Variants in ANKRD35 observed in about 807,000 individuals in gnomAD.
ANKRD35 encodes ankyrin repeat domain-containing protein 35.
In ANKRD35, 102 loss-of-function variants were observed where a neutral mutation model predicts 109.9. The ratio of observed to expected loss-of-function variants is 0.93; its 90% CI spans 0.79 to 1.09. The LOEUF (loss-of-function observed/expected upper bound fraction) is 1.09. Ranked by LOEUF, ANKRD35 falls within the 50% of genes least tolerant of loss-of-function variation. The pLI, the probability that ANKRD35 is intolerant of heterozygous loss-of-function variation, is 0.00. For missense variants in ANKRD35, 1,240 were observed against 1,230.1 expected, an observed-to-expected ratio of 1.01 and a Z score of -0.12; for synonymous variants, 515 against 512.4, an observed-to-expected ratio of 1.01 and a Z score of -0.07.
Position 145,884,037 on chromosome 1 carries a change from C to T in ANKRD35, c.39+1683G>A, listed in dbSNP as rs148846493. Among the ~76,000 whole-genome samples the T allele has an allele frequency of 1.1e-4, 17 of 152,260 alleles. No homozygotes were observed. The East Asian group carries it at 3.3e-3, about 29-fold the overall frequency. On this transcript the variant is annotated intron_variant, in intron 1 of 13. Coordinates refer to ENST00000355594, the MANE Select transcript of ANKRD35 (RefSeq NM_144698.5). ...AGGACAGAGGGATGGTTCCAAATTCCAAAAGCCAGCCCACTCATTCCAGCA... is the reference window on the plus strand; with the variant it reads ...AGGACAGAGGGATGGTTCCAAATTCTAAAAGCCAGCCCACTCATTCCAGCA...
In ANKRD35 at chr1:145,873,751, G is replaced by C. The variant is rs139709279; in HGVS notation, c.1018C>G (p.Gln340Glu). 1.2e-6 allele frequency: 2 copies of C among 1,612,928 alleles called. No homozygotes were observed. The highest frequency in any genetic ancestry group is 1.7e-6 in the Non-Finnish European group (2 of 1,179,508). ...AGGAGGACCCCTAGCTCCTGCGCCT[G>C]CTCTCGAATCTGGTTCTCAAGGTCC... is the stretch of plus-strand genomic sequence containing the variant. The part of the protein sequence containing the change: ...YLDLENQIRE[Q>E]AQELGVLLSW... The change falls in exon 10 of 14, where the codon CAG (glutamine) becomes GAG (glutamate). Residue 340 changes from glutamine to glutamate, a missense_variant. Coordinates refer to ENST00000355594, the MANE Select transcript of ANKRD35 (RefSeq NM_144698.5).
chr1:145,880,971 G>C (rs1206109494), intron 1 of ANKRD35, among the ~76,000 whole-genome samples: 1 of 152,158 alleles, frequency 6.6e-6, no homozygotes, highest in East Asian at 1.9e-4. Flanking sequence ...TCACGAAAAA[G>C]AGTGGCAAAA....
rs781928624 is a variant in ANKRD35 at position 145,873,469 on chromosome 1, C to G, written c.1300G>C (p.Glu434Gln). 1.9e-6 allele frequency: 3 copies of G among 1,614,006 alleles called. No individual in the cohort carries two copies. The highest frequency in any genetic ancestry group is 2.5e-6 in the Non-Finnish European group (3 of 1,179,954). Residue 434 changes from glutamate to glutamine, a missense_variant, in exon 10 of 14, where the codon GAG becomes CAG. Coordinates refer to ENST00000355594, the MANE Select transcript of ANKRD35 (RefSeq NM_144698.5). ...TGTCCTGTGGCTTTCCTGATGGTCTCAGACGCTGGGCTCTGGGGTGGCCCC... is the reference window on the plus strand; with the variant it reads ...TGTCCTGTGGCTTTCCTGATGGTCTGAGACGCTGGGCTCTGGGGTGGCCCC... ...EQGPPQSPAS[E>Q]TIRKATGQQL...
At chr1:145,878,731 G>A (rs1482401772) in intron 2 of ANKRD35, among the ~76,000 whole-genome samples, 1 of 152,202 alleles carries the variant, frequency 6.6e-6, no homozygotes, top group Non-Finnish European at 1.5e-5. Flanking sequence ...GGGGTGTCTA[G>A]GGAACACATA....
At chr1:145,875,118 A>C in intron 7 of ANKRD35, 112 bp from the exon 8 acceptor site, 1 of 1,065,264 alleles carries the variant, frequency 9.4e-7, no homozygotes, top group Non-Finnish European at 1.3e-6. Flanking sequence ...CAGGAGAACA[A>C]CAGACCAACA....
At position 145,873,804 on chromosome 1, in the gene ANKRD35, T is replaced by A. The variant is rs1553739492; in HGVS notation, c.965A>T (p.Glu322Val). ...ATAGGCTGCAGCTTGAGTCTTACAC[T>A]CTTCTGTCTTTTGCACCAGCTCCTG... ...LEQELVQKTEECKTQAAAYLD... is the reference protein window; with the variant it reads ...LEQELVQKTEVCKTQAAAYLD... Residue 322 changes from glutamate to valine, a missense_variant, in exon 10 of 14, where the codon GAG becomes GTG. Glu to Val is a moderately radical substitution (Grantham distance 121). Coordinates refer to ENST00000355594, the MANE Select transcript of ANKRD35 (RefSeq NM_144698.5). The A allele has an allele frequency of 1.9e-6, 3 of 1,608,962 alleles. No individual in the cohort carries two copies. The South Asian group carries it at 3.3e-5, about 18-fold the overall frequency.
intron 10 of ANKRD35, among the ~76,000 whole-genome samples, chr1:145,869,171 GTTTTTTTGTT>G (rs1365067426): frequency 1.8e-5 from 2 of 113,934 alleles, no homozygotes; most frequent in African/African-American, 3.5e-5. Context: ...AAGGAAGTTT[GTTTTTTTGTT>G]TTTTTTTGTT....
chr1:145,869,754 C>A (rs1489999693), intron 10 of ANKRD35, among the ~76,000 whole-genome samples: 2 of 152,220 alleles, frequency 1.3e-5, no homozygotes, highest in African/African-American at 2.4e-5. Flanking sequence ...CAGGCATGAG[C>A]CACTGTGCTC....
At chr1:145,877,259 G>GTC (rs1430454245) in intron 4 of ANKRD35, among the ~76,000 whole-genome samples, 2 of 147,332 alleles carry the variant, frequency 1.4e-5, no homozygotes, top group African/African-American at 5.2e-5. Context: ...TTGAGACAGA[G>GTC]TCTCTCTCTG....
chr1:145,876,218 G>T lies in ANKRD35; in HGVS notation c.482C>A (p.Ser161Ter). The T allele has an allele frequency of 6.2e-7, 1 of 1,613,964 alleles. No homozygotes were observed. The highest frequency in any genetic ancestry group is 8.5e-7 in the Non-Finnish European group (1 of 1,179,932). The part of the protein sequence containing the change: ...NDGRTPLMIA[S>*]LGGHAAICSQ... ...GCAGATAGCTGCGTGCCCACCCAGC[G>T]ATGCGATCATCAGGGGTGTACGTCC... Residue 161 changes from serine to a stop codon, truncating the protein, a stop_gained, in exon 7 of 14, where the codon TCG (serine) becomes TAG (stop). Transcript: ENST00000355594. LOFTEE classifies it high-confidence loss of function.
intron 8 of ANKRD35, among the ~76,000 whole-genome samples, 191 bp downstream of exon 8, chr1:145,874,630 CA>C (rs1441320982): frequency 9.2e-5 from 14 of 152,190 alleles, no homozygotes; most frequent in African/African-American, 3.4e-4. Flanking sequence ...GACCAGGCTG[CA>C]TTAAAGAATT....
intron 10 of ANKRD35, among the ~76,000 whole-genome samples, chr1:145,870,790 G>C (rs1485653421): frequency 1.3e-5 from 2 of 151,918 alleles, no homozygotes; most frequent in Non-Finnish European, 2.9e-5. Context: ...TGCGATCTTG[G>C]CTCACTGCAA....
intron 4 of ANKRD35, among the ~76,000 whole-genome samples, chr1:145,877,150 G>T (rs1559176022): frequency 1.3e-5 from 2 of 151,970 alleles, no homozygotes; most frequent in Admixed American, 1.3e-4. Flanking sequence ...TGGTACTTTA[G>T]AAACATAATT....
chr1:145,877,581 T>A (rs1458351842), intron 4 of ANKRD35, among the ~76,000 whole-genome samples: 1 of 152,212 alleles, frequency 6.6e-6, no homozygotes, highest in African/African-American at 2.4e-5. Flanking sequence ...GATCCACATG[T>A]CATTTTACAT....
chr1:145,879,286 T>G lies in ANKRD35; in HGVS notation c.142A>C (p.Thr48Pro), dbSNP rs782266268. ...GACTGGCCATTCGAGTCAAGCTTGG[T>G]GGGTCGGGCAGATTTCCTGGAGGCC... is the stretch of plus-strand genomic sequence containing the variant. Reference protein sequence around the residue: ...ALASRKSARPTKLDSNGQSPF... With the variant: ...ALASRKSARPPKLDSNGQSPF... The change falls in exon 2 of 14, where the codon ACC becomes CCC. Residue 48 changes from threonine (T) to proline (P), a missense_variant. By Grantham distance (38) the Thr-to-Pro change is conservative. Coordinates refer to ENST00000355594, the MANE Select transcript of ANKRD35 (RefSeq NM_144698.5). The G allele has an allele frequency of 2.5e-6, 4 of 1,611,308 alleles. No homozygotes were observed. The South Asian group carries it at 3.3e-5, about 13-fold the overall frequency.
rs1391692391 is a variant in ANKRD35 at position 145,872,966 on chromosome 1, C to T, written c.1803G>A (p.Gly601=). 2 of 1,610,128 alleles carry T rather than the reference C, an allele frequency of 1.2e-6. No individual in the cohort carries two copies. The highest frequency in any genetic ancestry group is 8.5e-7 in the Non-Finnish European group (1 of 1,178,104). Residue 601 remains glycine (G), a synonymous_variant, in exon 10 of 14, where the codon GGG becomes GGA. Coordinates refer to ENST00000355594, the MANE Select transcript of ANKRD35 (RefSeq NM_144698.5). ...TTGCCAGGCCTCCTAGGGCCTTTTCCCCTCCAAGGGCCCCTAGAGGCTCTC... is the reference window on the plus strand; with the variant it reads ...TTGCCAGGCCTCCTAGGGCCTTTTCTCCTCCAAGGGCCCCTAGAGGCTCTC... ...AQGEPLGALG[G]EKALGGLAKG... is the part of the protein sequence containing the mutation.
Position 145,873,293 on chromosome 1 carries a change from C to G in ANKRD35, c.1476G>C (p.Leu492=). ...PVGPAAMNQL[L]LQLREELAAV... is the part of the protein sequence containing the mutation. ...CAGCAAGCTCCTCCCTTAGTTGAAG[C>G]AGAAGCTGGTTCATGGCTGCTGGGC... is the stretch of plus-strand genomic sequence containing the variant. Residue 492 remains leucine (L), a synonymous_variant, in exon 10 of 14, where the codon CTG becomes CTC. Coordinates refer to ENST00000355594, the MANE Select transcript of ANKRD35 (RefSeq NM_144698.5). The G allele has an allele frequency of 6.2e-7, 1 of 1,614,156 alleles. No homozygotes were observed. Among genetic ancestry groups the G allele is most frequent in the South Asian group, 1.1e-5 (1 of 91,082 alleles).
intron 6 of ANKRD35, 148 bp downstream of exon 6, chr1:145,876,421 T>C: frequency 8.0e-6 from 9 of 1,124,642 alleles, no homozygotes; most frequent in South Asian, 6.9e-5. Flanking sequence ...TTAACCTCTC[T>C]GTGAGGAAGA....
intron 1 of ANKRD35, among the ~76,000 whole-genome samples, chr1:145,881,124 A>G (rs1325424558): frequency 6.6e-6 from 1 of 152,318 alleles, no homozygotes; most frequent in Admixed American, 6.5e-5. Context: ...CGTCTCTACT[A>G]AAAATACAAA....
Sources: gnomAD v4.1 joint callset for allele counts (sites outside exome capture counted in the v4.1 genomes callset) on GRCh38, gnomAD v4.1.1 for gene constraint, MANE v1.5 for transcripts, NCBI Gene and HGNC (gene_info 2026-07-23, HGNC 2026-07-21) for gene names.